Variants in ST7 observed in about 807,000 individuals in gnomAD.
ST7 encodes the protein suppressor of tumorigenicity 7 protein.
ST7 carries 28 observed loss-of-function variants against 78.7 expected under a neutral mutation model. That is an observed-to-expected ratio of 0.36 (90% CI 0.26 to 0.49). ST7 has a LOEUF of 0.49. Ranked by LOEUF, ST7 falls within the 20% of genes least tolerant of loss-of-function variation. The pLI is 0.99. For missense variants in ST7, 418 were observed against 696.0 expected, an observed-to-expected ratio of 0.60 and a Z score of 4.49; for synonymous variants, 247 against 249.6, an observed-to-expected ratio of 0.99 and a Z score of 0.10.
At chr7:117,087,184 C>G (rs1286021320) in intron 1 of ST7, among the ~76,000 whole-genome samples, 1 of 152,170 alleles carries the variant, frequency 6.6e-6, no homozygotes, top group East Asian at 1.9e-4. Flanking sequence ...GCTTCTCTGA[C>G]TCAATATATT....
At chr7:117,132,208 C>T (rs1278971399) in intron 6 of ST7, among the ~76,000 whole-genome samples, 1 of 151,550 alleles carries the variant, frequency 6.6e-6, no homozygotes, top group Non-Finnish European at 1.5e-5. Flanking sequence ...AGGGCTATCC[C>T]TAGGATATTG....
chr7:117,058,369 G>T (rs558447178), intron 1 of ST7, among the ~76,000 whole-genome samples: 1 of 152,166 alleles, frequency 6.6e-6, no homozygotes, highest in African/African-American at 2.4e-5. Context: ...TGATCAGTTT[G>T]CATAAAAGCA....
chr7:117,106,871 C>T (rs1180196276), intron 2 of ST7, among the ~76,000 whole-genome samples: 10 of 152,026 alleles, frequency 6.6e-5, no homozygotes, highest in African/African-American at 1.9e-4. Flanking sequence ...CCACCTGCCT[C>T]GGCCTCCCAA....
intron 1 of ST7, among the ~76,000 whole-genome samples, chr7:117,083,140 GTC>G (rs1223159672): frequency 6.6e-6 from 1 of 151,482 alleles, no homozygotes; most frequent in Admixed American, 6.6e-5. Context: ...GCTCACTGCA[GTC>G]TCTACCTCCC....
At chr7:116,959,218 G>T (rs932450696) in intron 1 of ST7, 1 of 470,632 alleles carries the variant, frequency 2.1e-6, no homozygotes, top group African/African-American at 2.0e-5. Flanking sequence ...CTCATCAAAA[G>T]AAACAGCTCT....
At chr7:117,029,396 G>A (rs909953708) in intron 1 of ST7, among the ~76,000 whole-genome samples, 10 of 151,706 alleles carry the variant, frequency 6.6e-5, no homozygotes, top group South Asian at 2.1e-4. Context: ...ATCTTCTTTC[G>A]TTGTGTTTGT....
intron 1 of ST7, among the ~76,000 whole-genome samples, chr7:117,091,291 A>G (rs1800590384): frequency 6.6e-6 from 1 of 152,198 alleles, no homozygotes; most frequent in Non-Finnish European, 1.5e-5. Flanking sequence ...GAAGCAACAA[A>G]TGAGGAAAAG....
chr7:117,207,953 G>A (rs1239725243), intron 12 of ST7, among the ~76,000 whole-genome samples: 4 of 151,630 alleles, frequency 2.6e-5, no homozygotes, highest in Admixed American at 2.0e-4. Flanking sequence ...TTCATGACTC[G>A]TAGCCTCGGG....
At chr7:117,023,667 T>C (rs1265257777) in intron 1 of ST7, among the ~76,000 whole-genome samples, 2 of 152,232 alleles carry the variant, frequency 1.3e-5, no homozygotes, top group Non-Finnish European at 1.5e-5. Context: ...TTTGAAGATA[T>C]ACAGTTTTAG....
At chr7:117,222,219 A>G (rs1341928270) in intron 15 of ST7, among the ~76,000 whole-genome samples, 157 bp downstream of exon 15, 1 of 152,202 alleles carries the variant, frequency 6.6e-6, no homozygotes, top group African/African-American at 2.4e-5. Context: ...AATGGAATCA[A>G]AGCATTAAGG....
intron 1 of ST7, among the ~76,000 whole-genome samples, chr7:117,039,100 A>C (rs1179174227): frequency 6.6e-6 from 1 of 151,300 alleles, no homozygotes; most frequent in Non-Finnish European, 1.5e-5. Flanking sequence ...CTTTTTTTGC[A>C]TTTTTTTCTC....
chr7:117,006,010 A>G (rs1795144312), intron 1 of ST7, among the ~76,000 whole-genome samples: 1 of 152,206 alleles, frequency 6.6e-6, no homozygotes, highest in Admixed American at 6.5e-5. Flanking sequence ...CACTTTCACC[A>G]GTATCTTACA....
chr7:117,198,587 T>C, intron 12 of ST7: 1 of 265,538 alleles, frequency 3.8e-6, no homozygotes. Flanking sequence ...CCGACCTGTG[T>C]CTTATATTCT....
intron 1 of ST7, among the ~76,000 whole-genome samples, chr7:117,085,816 G>A (rs1800097940): frequency 6.6e-6 from 1 of 152,138 alleles, no homozygotes; most frequent in South Asian, 2.1e-4. Context: ...GGGAAGAATT[G>A]CATCAATTAT....
intron 10 of ST7, among the ~76,000 whole-genome samples, chr7:117,189,059 T>C (rs1394508134): frequency 1.3e-5 from 2 of 152,198 alleles, no homozygotes; most frequent in East Asian, 3.8e-4. Context: ...ATATGAAAAT[T>C]CATATTTTAA....
chr7:116,996,704 C>T (rs994036947), intron 1 of ST7, among the ~76,000 whole-genome samples: 4 of 152,150 alleles, frequency 2.6e-5, no homozygotes, highest in African/African-American at 7.2e-5. Flanking sequence ...TTTAGTGTTT[C>T]CTCATGGTGC....
At chr7:116,988,827 C>CT (rs764425768) in intron 1 of ST7, among the ~76,000 whole-genome samples, 2 of 152,194 alleles carry the variant, frequency 1.3e-5, no homozygotes, top group African/African-American at 2.4e-5. Flanking sequence ...AAAATGCACA[C>CT]TTTTAACATG....
intron 9 of ST7, among the ~76,000 whole-genome samples, chr7:117,166,430 T>C (rs916181754): frequency 3.4e-4 from 51 of 149,142 alleles, no homozygotes; most frequent in African/African-American, 2.3e-4. Flanking sequence ...TCATAATGGG[T>C]TAAATTTTAA....
At chr7:117,101,235 C>T (rs887554088) in intron 2 of ST7, among the ~76,000 whole-genome samples, 3 of 152,142 alleles carry the variant, frequency 2.0e-5, no homozygotes, top group Non-Finnish European at 4.4e-5. Flanking sequence ...GTTAAATGTC[C>T]TCCCACACAT....
Sources: allele counts gnomAD v4.1 joint callset (sites outside exome capture counted in the v4.1 genomes callset), GRCh38; gene constraint gnomAD v4.1.1; transcripts MANE v1.5; gene names NCBI Gene and HGNC (gene_info 2026-07-23, HGNC 2026-07-21).